BABAM2: variants seen among roughly 807,000 people sequenced by gnomAD.
The protein encoded by BABAM2 is BRISC and BRCA1 A complex member 2, also known as BRISC and BRCA1-A complex member 2.
BABAM2 carries 31 observed loss-of-function variants against 54.7 expected under a neutral mutation model. The observed-to-expected ratio is 0.57, with a 90% CI of 0.43 to 0.77. The LOEUF (loss-of-function observed/expected upper bound fraction) is 0.77, where lower values mean the gene tolerates loss of function less well. BABAM2 is among the 30% of genes least tolerant of loss of function. The pLI, the probability that BABAM2 is intolerant of heterozygous loss-of-function variation, is 0.00. For synonymous variants in BABAM2, 167 were observed against 162.9 expected (o/e 1.03, Z -0.19); for missense variants, 364 against 455.8 (o/e 0.80, Z 1.83).
At chr2:28,244,698 T>C (rs2148077683) in intron 9 of BABAM2, 82 bp from the exon 10 acceptor site, 4 of 1,309,074 alleles carry the variant, frequency 3.1e-6, no homozygotes, top group Non-Finnish European at 3.3e-6. Context: ...CACGAATATA[T>C]TCTTTACTTG....
chr2:28,077,315 G>A (rs972542825), intron 6 of BABAM2, among the ~76,000 whole-genome samples: 5 of 151,956 alleles, frequency 3.3e-5, no homozygotes, highest in East Asian at 1.9e-4. Flanking sequence ...ATTGTGTTTC[G>A]TTCCTATATG....
At chr2:28,040,681 A>G (rs1677033047) in intron 5 of BABAM2, among the ~76,000 whole-genome samples, 2 of 152,164 alleles carry the variant, frequency 1.3e-5, no homozygotes, top group African/African-American at 4.8e-5. Flanking sequence ...TGTTCTTCCA[A>G]TGGCAAAATA....
chr2:28,110,338 G>A (rs913384681), intron 6 of BABAM2, among the ~76,000 whole-genome samples: 3 of 152,046 alleles, frequency 2.0e-5, no homozygotes, highest in Non-Finnish European at 4.4e-5. Context: ...ATAAACACAG[G>A]TGTGGCTGGG....
intron 5 of BABAM2, among the ~76,000 whole-genome samples, chr2:28,026,811 TAA>T (rs1675726783): frequency 1.0e-5 from 1 of 97,362 alleles, no homozygotes; most frequent in South Asian, 2.6e-4. Flanking sequence ...AAAAAATATA[TAA>T]ATATATATTT....
chr2:28,287,741 G>C (rs1686944442), intron 10 of BABAM2, among the ~76,000 whole-genome samples: 1 of 152,148 alleles, frequency 6.6e-6, no homozygotes, highest in Non-Finnish European at 1.5e-5. Flanking sequence ...CCAGGCCCGA[G>C]GAAATGAGAA....
At chr2:28,290,764 A>AG (rs1687222516) in intron 10 of BABAM2, among the ~76,000 whole-genome samples, 1 of 152,230 alleles carries the variant, frequency 6.6e-6, no homozygotes, top group African/African-American at 2.4e-5. Context: ...AAATAGTAAA[A>AG]GCTAAATCTT....
At chr2:28,164,812 T>C (rs766229014) in intron 7 of BABAM2, among the ~76,000 whole-genome samples, 4 of 152,124 alleles carry the variant, frequency 2.6e-5, no homozygotes, top group Non-Finnish European at 4.4e-5. Context: ...CCAAAGATAA[T>C]CAGCTTCCAT....
intron 10 of BABAM2, among the ~76,000 whole-genome samples, chr2:28,288,490 T>C (rs2148214997): frequency 6.6e-6 from 1 of 152,158 alleles, no homozygotes; most frequent in African/African-American, 2.4e-5. Flanking sequence ...CAAGCCAGGC[T>C]AATTTTTGTA....
chr2:27,900,181 G>A (rs1045672665), intron 2 of BABAM2, among the ~76,000 whole-genome samples: 5 of 152,026 alleles, frequency 3.3e-5, no homozygotes, highest in Non-Finnish European at 5.9e-5. Flanking sequence ...CTATTAACTC[G>A]AAGAGGTATA....
At chr2:28,309,169 G>A (rs1688837518) in intron 11 of BABAM2, 1 of 152,202 alleles carries the variant, frequency 6.6e-6, no homozygotes, top group Non-Finnish European at 1.5e-5. Context: ...AGTTCCTTGT[G>A]GTTGTAGGAC....
intron 7 of BABAM2, among the ~76,000 whole-genome samples, chr2:28,130,754 T>C (rs1233761912): frequency 1.3e-5 from 2 of 151,886 alleles, no homozygotes; most frequent in African/African-American, 4.8e-5. Context: ...TGTTTGTTTG[T>C]TTTGAGACAG....
At chr2:27,943,164 G>A (rs1417294454) in intron 3 of BABAM2, among the ~76,000 whole-genome samples, 1 of 152,168 alleles carries the variant, frequency 6.6e-6, no homozygotes, top group Admixed American at 6.5e-5. Flanking sequence ...TGGCATTTTT[G>A]TTGGGATGAC....
In BABAM2 at chr2:28,010,449, G is replaced by A. The variant is rs545031068; in HGVS notation, c.301-14777G>A. Among the ~76,000 whole-genome samples, 3 of 152,092 alleles carry A rather than the reference G, an allele frequency of 2.0e-5. No homozygotes were observed. The South Asian group carries it at 6.2e-4, about 32-fold the overall frequency. ...AGGAAGCTACTCAATTTTTGTCTCT[G>A]GCAGAAAACCCAAACCAAATCTATA... On this transcript the variant is annotated intron_variant, in intron 4 of 11. Coordinates refer to ENST00000379624, the MANE Select transcript of BABAM2 (RefSeq NM_199191.3).
intron 2 of BABAM2, chr2:27,896,535 C>T (rs1665338429): frequency 6.6e-6 from 1 of 152,408 alleles, no homozygotes; most frequent in Non-Finnish European, 1.5e-5. Flanking sequence ...AGAAACTCTT[C>T]TCTAAGAGTT....
intron 11 of BABAM2, among the ~76,000 whole-genome samples, chr2:28,311,851 C>T (rs939038585): frequency 2.6e-5 from 4 of 152,196 alleles, no homozygotes; most frequent in Non-Finnish European, 4.4e-5. Flanking sequence ...GAATTAAGTA[C>T]ACCGTGTACG....
intron 6 of BABAM2, among the ~76,000 whole-genome samples, chr2:28,086,544 A>C (rs1665656095): frequency 6.6e-6 from 1 of 152,168 alleles, no homozygotes; most frequent in Non-Finnish European, 1.5e-5. Flanking sequence ...CTAACCTAGC[A>C]AATAGTAACT....
intron 11 of BABAM2, chr2:28,327,422 ACTG>A: frequency 6.3e-7 from 1 of 1,599,696 alleles, no homozygotes; most frequent in Non-Finnish European, 8.5e-7. Context: ...GGGAGAGAGA[ACTG>A]CTCAGTAATT....
At chr2:28,324,831 C>T (rs1431108858) in intron 11 of BABAM2, among the ~76,000 whole-genome samples, 1 of 152,082 alleles carries the variant, frequency 6.6e-6, no homozygotes, top group African/African-American at 2.4e-5. Context: ...AGAAAACTTA[C>T]TTTCCATCTC....
chr2:28,143,092 T>C (rs1332238556), intron 7 of BABAM2, among the ~76,000 whole-genome samples: 1 of 151,922 alleles, frequency 6.6e-6, no homozygotes, highest in African/African-American at 2.4e-5. Flanking sequence ...ACTGAAATGA[T>C]CATCAGTAGG....
Sources: allele counts gnomAD v4.1 joint callset (sites outside exome capture counted in the v4.1 genomes callset), GRCh38; gene constraint gnomAD v4.1.1; transcripts MANE v1.5; gene names NCBI Gene and HGNC (gene_info 2026-07-23, HGNC 2026-07-21).